Variants in FLT3LG observed in about 807,000 individuals in gnomAD.
FLT3LG encodes the protein fms-related tyrosine kinase 3 ligand.
In FLT3LG, 8 loss-of-function variants were observed where a neutral mutation model predicts 30.9. The observed-to-expected ratio is 0.26, with a 90% CI of 0.15 to 0.47. FLT3LG has a LOEUF of 0.47. FLT3LG is among the 20% of genes least tolerant of loss of function. The pLI is 0.99. For synonymous variants in FLT3LG, 123 were observed against 135.9 expected, an observed-to-expected ratio of 0.91 and a Z score of 0.66; for missense variants, 278 against 306.2, an observed-to-expected ratio of 0.91 and a Z score of 0.69.
At chr19:49,483,004 T>C (rs944229285) in intron 8 of FLT3LG, among the ~76,000 whole-genome samples, 1 of 152,228 alleles carries the variant, frequency 6.6e-6, no homozygotes, top group African/African-American at 2.4e-5. Context: ...TATTTCAACA[T>C]GTAATCAGTA....
intron 5 of FLT3LG, among the ~76,000 whole-genome samples, chr19:49,477,905 G>T (rs1467393352): frequency 6.6e-6 from 1 of 150,750 alleles, no homozygotes; most frequent in Non-Finnish European, 1.5e-5. Flanking sequence ...AATTAGCTGG[G>T]CATGGTGGCG....
chr19:49,479,809 T>TCACTCATTTAATTTGTGACAGTCTGATGA (rs1306469210), intron 6 of FLT3LG: 1 of 153,302 alleles, frequency 6.5e-6, no homozygotes. Flanking sequence ...CCCAGCCTAT[T>TCACTCATTTAATTTGTGACAGTCTGATGA]GTTTTTTTTT....
intron 2 of FLT3LG, 149 bp downstream of exon 2, chr19:49,474,821 GAGAGGAGACGGAC>G: frequency 3.5e-6 from 3 of 848,908 alleles, no homozygotes; most frequent in South Asian, 3.2e-5. Flanking sequence ...AGATGGATAG[GAGAGGAGACGGAC>G]AGAGGAGGGG....
At chr19:49,485,233 CTTTTTCTTT>C (rs1287477646) in intron 8 of FLT3LG, among the ~76,000 whole-genome samples, 3 of 146,980 alleles carry the variant, frequency 2.0e-5, no homozygotes, top group Non-Finnish European at 4.5e-5. Flanking sequence ...GAGAACGTTT[CTTTTTCTTT>C]TTTTTCTTTT....
rs552900666 is a variant in FLT3LG at position 49,484,440 on chromosome 19, G to A, written c.*22-1575G>A. ...CTCTGGAGTAGCTTGGATTACAAGCGCCTGCCACCACGCCCAACTAATTTA... is the reference window on the plus strand; with the variant it reads ...CTCTGGAGTAGCTTGGATTACAAGCACCTGCCACCACGCCCAACTAATTTA... On this transcript the variant is annotated intron_variant, in intron 8 of 8. Transcript: ENST00000597551. Among the ~76,000 whole-genome samples, 14 of 151,208 alleles carry A rather than the reference G, an allele frequency of 9.3e-5. No homozygotes were observed. In the East Asian group the frequency reaches 1.9e-3, roughly 21 times the overall value.
Position 49,476,708 on chromosome 19 carries a change from C to T in FLT3LG, c.342+142C>T, listed in dbSNP as rs2079406680. On this transcript the variant is annotated intron_variant, in intron 5 of 8. Transcript: ENST00000597551. The surrounding 1 kb of genome is among the most constrained non-coding windows in gnomAD (Gnocchi z 5.3). ...AGCGAGAAGCGCCACCCTGCAGAGC[C>T]CTGTTCCTACAGAACAACACGTCCC... The T allele has an allele frequency of 2.6e-5, 28 of 1,087,298 alleles. No homozygotes were observed. The East Asian group carries it at 7.2e-4, about 28-fold the overall frequency. 67.4% of individuals were successfully genotyped at this position (1,087,298 alleles called of 1,614,324 possible).
At position 49,476,286 on chromosome 19, in the gene FLT3LG, C is replaced by T. The variant is rs2079389974; in HGVS notation, c.198+88C>T. On this transcript the variant is annotated intron_variant, in intron 4 of 8. Transcript: ENST00000597551. The surrounding 1 kb of genome is among the most constrained non-coding windows in gnomAD (Gnocchi z 5.3). ...GAGGCGAGTGGATAACCAGGCCCTC[C>T]CCTCCCCAAACCCAGGAATCAGAGT... is the stretch of plus-strand genomic sequence containing the variant. 1.1e-5 allele frequency: 16 copies of T among 1,443,760 alleles called. No homozygotes were observed. The highest frequency in any genetic ancestry group is 1.5e-5 in the Non-Finnish European group (16 of 1,032,778). The allele number at this position is 1,443,760 out of a possible 1,614,324, so 89.4% of individuals were successfully genotyped here.
chr19:49,480,325 G>T lies in FLT3LG; in HGVS notation c.509G>T (p.Ser170Ile). 5.0e-6 allele frequency: 8 copies of T among 1,607,822 alleles called. No individual in the cohort carries two copies. The highest frequency in any genetic ancestry group is 6.8e-6 in the Non-Finnish European group (8 of 1,176,638). ...TCCTCAACCCTGCCACCCCCATGGA[G>T]TCCCCGGCCCCTGGAGGCCACAGCC... ...PDSSTLPPPW[S>I]PRPLEATAPT... Residue 170 changes from serine (S) to isoleucine (I), a missense_variant, in exon 7 of 9, where the codon AGT (serine) becomes ATT (isoleucine). Physicochemically the swap from Ser to Ile is moderately radical, Grantham distance 142 (BLOSUM62 -2). Coordinates refer to ENST00000597551, the MANE Select transcript of FLT3LG (RefSeq NM_001459.4).
At chr19:49,478,377 G>A (rs943902621) in intron 5 of FLT3LG, among the ~76,000 whole-genome samples, 2 of 152,032 alleles carry the variant, frequency 1.3e-5, no homozygotes, top group Non-Finnish European at 2.9e-5. Flanking sequence ...TGAGGCAGGT[G>A]AATGGCGTGA....
chr19:49,475,305 AATG>A (rs2079352424), intron 2 of FLT3LG, among the ~76,000 whole-genome samples: 1 of 151,488 alleles, frequency 6.6e-6, no homozygotes, highest in African/African-American at 2.4e-5. Context: ...GCCAAGAACA[AATG>A]AAGAGGACGT....
chr19:49,474,388 C>A (rs2122459000), intron 1 of FLT3LG, 107 bp downstream of exon 1: 1 of 585,082 alleles, frequency 1.7e-6, no homozygotes, highest in East Asian at 2.9e-5. Context: ...GGGTCCCTAA[C>A]CTGGGGAGGG....
In FLT3LG at chr19:49,485,631, C is replaced by A. The variant is rs142863561; in HGVS notation, c.*22-384C>A. The stretch of plus-strand genomic sequence containing the variant: ...TCCCAACCTCAGGTGATCCGCCCGC[C>A]TCGACCTCCTAAAGTGCTGGAATTA... On this transcript the variant is annotated intron_variant, in intron 8 of 8. Coordinates refer to ENST00000597551, the MANE Select transcript of FLT3LG (RefSeq NM_001459.4). Among the ~76,000 whole-genome samples the A allele has an allele frequency of 2.5e-3, 388 of 152,266 alleles. 1 individual carries two copies. The highest frequency in any genetic ancestry group is 8.9e-3 in the African/African-American group (371 of 41,568).
chr19:49,479,327 T>C (rs956347301), intron 6 of FLT3LG, among the ~76,000 whole-genome samples: 9 of 151,264 alleles, frequency 5.9e-5, no homozygotes, highest in African/African-American at 2.2e-4. Context: ...CCCAAGTAGC[T>C]GGGACCACAG....
rs372444883 is a variant in FLT3LG at position 49,474,542 on chromosome 19, G to A, written c.-37-61G>A. The A allele has an allele frequency of 1.6e-5, 20 of 1,275,598 alleles. No homozygotes were observed. In the East Asian group the frequency reaches 1.9e-4, roughly 12 times the overall value. The allele number at this position is 1,275,598 out of a possible 1,614,324, so 79.0% of individuals were successfully genotyped here. ...CGCGGGAGGGGCGGGGAGGCAAAGG[G>A]GCGGGCAGGGCAGGGGCTGGGGCAT... On this transcript the variant is annotated intron_variant, in intron 1 of 8. Coordinates refer to ENST00000597551, the MANE Select transcript of FLT3LG (RefSeq NM_001459.4).
At chr19:49,480,095 C>T (rs376459809) in intron 6 of FLT3LG, among the ~76,000 whole-genome samples, 3 of 152,188 alleles carry the variant, frequency 2.0e-5, no homozygotes, top group Admixed American at 1.3e-4. Context: ...TGAGCCACCG[C>T]GCTCAGCCTA....
chr19:49,480,445 C>G lies in FLT3LG; in HGVS notation c.629C>G (p.Thr210Arg), dbSNP rs536387772. The part of the protein sequence containing the change: ...AAAWCLHWQR[T>R]RRRTPRPGEQ... ...GCCTGGTGCCTGCACTGGCAGAGGA[C>G]GCGGCGGAGGACACCCCGCCCTGGG... The change falls in exon 7 of 9, where the codon ACG becomes AGG. Residue 210 changes from threonine (T) to arginine (R), a missense_variant. Thr to Arg is a moderately conservative substitution (Grantham distance 71, BLOSUM62 -1). Coordinates refer to ENST00000597551, the MANE Select transcript of FLT3LG (RefSeq NM_001459.4). The G allele has an allele frequency of 3.5e-5, 56 of 1,593,324 alleles. No homozygotes were observed. The African/African-American group carries it at 6.6e-4, about 19-fold the overall frequency.
intron 8 of FLT3LG, among the ~76,000 whole-genome samples, chr19:49,482,749 T>C (rs1050557816): frequency 1.3e-5 from 2 of 151,896 alleles, no homozygotes; most frequent in Non-Finnish European, 2.9e-5. Flanking sequence ...TGCTTCAGTC[T>C]ACCGAGTAGC....
rs763423681 is a variant in FLT3LG at position 49,476,476 on chromosome 19, G to A, written c.252G>A (p.Glu84=). 6.2e-7 allele frequency: 1 copy of A among 1,614,156 alleles called. No individual in the cohort carries two copies. The change falls in exon 5 of 9, where the codon GAG becomes GAA. Residue 84 remains glutamate (E), a synonymous_variant. Coordinates refer to ENST00000597551, the MANE Select transcript of FLT3LG (RefSeq NM_001459.4). This position sits in a 1 kb window ranked among gnomAD's most constrained non-coding sequence, Gnocchi z 5.3. ...TGGTCCTGGCACAGCGCTGGATGGA[G>A]CGGCTCAAGACTGTCGCTGGGTCCA... ...WRLVLAQRWM[E]RLKTVAGSKM... is the part of the protein sequence containing the mutation.
chr19:49,479,962 C>A (rs1263154711), intron 6 of FLT3LG, among the ~76,000 whole-genome samples: 3 of 151,960 alleles, frequency 2.0e-5, no homozygotes, highest in African/African-American at 7.3e-5. Flanking sequence ...GCATACCATG[C>A]CTGGCTAGTT....
Sources: allele counts gnomAD v4.1 joint callset (sites outside exome capture counted in the v4.1 genomes callset), GRCh38; gene constraint gnomAD v4.1.1; non-coding constraint Gnocchi (gnomAD v3.1); transcripts MANE v1.5; gene names NCBI Gene and HGNC (gene_info 2026-07-23, HGNC 2026-07-21).